The following WARS2 variants were observed in gnomAD, a reference collection of about 807,000 sequenced individuals.
The protein encoded by WARS2 is tryptophan--tRNA ligase, mitochondrial.
In WARS2, 28 loss-of-function variants were observed where a neutral mutation model predicts 36.5. The observed-to-expected ratio is 0.77, with a 90% CI of 0.57 to 1.05. WARS2 has a LOEUF of 1.05. WARS2 is among the 50% of genes least tolerant of loss of function. The probability of loss-of-function intolerance (pLI) is 0.00; values close to 1 mark genes in which losing one functional copy is unlikely to be tolerated. For synonymous variants in WARS2, 174 were observed against 178.4 expected (o/e 0.98, Z 0.20); for missense variants, 435 against 456.8 (o/e 0.95, Z 0.44).
At chr1:119,060,497 T>C (rs916681745) in intron 2 of WARS2, among the ~76,000 whole-genome samples, 3 of 152,252 alleles carry the variant, frequency 2.0e-5, no homozygotes, top group African/African-American at 7.2e-5. Flanking sequence ...TATCTCTATA[T>C]ACAGTCATAC....
intron 1 of WARS2, among the ~76,000 whole-genome samples, chr1:119,097,589 G>A (rs587718366): frequency 2.0e-5 from 3 of 152,270 alleles, no homozygotes; most frequent in African/African-American, 7.2e-5. Context: ...AAATCCCCAG[G>A]ACAAGATGAG....
Position 119,117,311 on chromosome 1 carries a change from C to T in WARS2, c.90+23244G>A, listed in dbSNP as rs186811087. 1.8e-4 allele frequency among the ~76,000 whole-genome samples: 27 copies of T among 152,304 alleles called. No homozygotes were observed. The East Asian group carries it at 4.8e-3, about 27-fold the overall frequency. On this transcript the variant is annotated intron_variant, in intron 1 of 5. Transcript: ENST00000235521. ...AGAGTCTGAGCTCAGACTTGCCTAA[C>T]CCTGCACCCACCTGATGGTTTGTCT... is the stretch of plus-strand genomic sequence containing the variant.
chr1:119,131,971 A>G (rs1656149626), intron 1 of WARS2, among the ~76,000 whole-genome samples: 1 of 152,038 alleles, frequency 6.6e-6, no homozygotes, highest in Admixed American at 6.6e-5. Flanking sequence ...AAAGAGAGAA[A>G]GGTTGTTGGA....
intron 1 of WARS2, chr1:119,127,369 G>A: frequency 2.6e-5 from 10 of 380,618 alleles, no homozygotes; most frequent in East Asian, 6.5e-5. Context: ...TTAAGGCACA[G>A]AAAAATCAAG....
intron 1 of WARS2, among the ~76,000 whole-genome samples, chr1:119,101,729 T>A (rs1029543191): frequency 6.6e-6 from 1 of 152,144 alleles, no homozygotes; most frequent in African/African-American, 2.4e-5. Flanking sequence ...AGATCTGAAC[T>A]ATCTCAAAGT....
At chr1:119,045,437 C>T in intron 3 of WARS2, 145 bp downstream of exon 3, 1 of 657,496 alleles carries the variant, frequency 1.5e-6, no homozygotes, top group Non-Finnish European at 2.6e-6. Context: ...CCTTTTAATA[C>T]CCTGAAGCAG....
chr1:119,065,226 C>T (rs1483465609), intron 2 of WARS2, among the ~76,000 whole-genome samples: 1 of 151,984 alleles, frequency 6.6e-6, no homozygotes, highest in Non-Finnish European at 1.5e-5. Flanking sequence ...TTTGTCAATG[C>T]TGACAAAACA....
Position 119,032,866 on chromosome 1 carries a change from T to C in WARS2, c.*45A>G, listed in dbSNP as rs780398419. 5 of 1,527,580 alleles carry C rather than the reference T, an allele frequency of 3.3e-6. No individual in the cohort carries two copies. Among genetic ancestry groups the C allele is most frequent in the Non-Finnish European group, 4.4e-6 (5 of 1,126,142 alleles). 94.6% of individuals were successfully genotyped at this position (1,527,580 alleles called of 1,614,324 possible). ...GGAAAGCTGCCGTTATCAGAATGCATGGAGTGCAAGGCACAAAAGCCTTGC... is the reference window on the plus strand; with the variant it reads ...GGAAAGCTGCCGTTATCAGAATGCACGGAGTGCAAGGCACAAAAGCCTTGC... On this transcript the variant is annotated 3_prime_UTR_variant, in exon 6 of 6. Transcript: ENST00000235521.
intron 2 of WARS2, among the ~76,000 whole-genome samples, chr1:119,056,366 C>T (rs1557946969): frequency 1.3e-5 from 2 of 150,708 alleles, no homozygotes; most frequent in Admixed American, 6.6e-5. Flanking sequence ...CAGTAAACTA[C>T]CTGCAGTGTT....
intron 1 of WARS2, among the ~76,000 whole-genome samples, chr1:119,117,711 G>C (rs769702851): frequency 3.9e-5 from 6 of 152,190 alleles, no homozygotes; most frequent in Non-Finnish European, 8.8e-5. Flanking sequence ...ACCTCTACCA[G>C]AGCAGGTGCT....
chr1:119,067,920 C>T (rs567331750), intron 2 of WARS2, among the ~76,000 whole-genome samples: 2 of 152,150 alleles, frequency 1.3e-5, no homozygotes, highest in African/African-American at 4.8e-5. Flanking sequence ...ACAAGTACTG[C>T]AGCTTGTTCA....
At chr1:119,127,207 C>T (rs587609183) in intron 1 of WARS2, 10 of 728,966 alleles carry the variant, frequency 1.4e-5, no homozygotes, top group South Asian at 8.2e-5. Context: ...TCATACCAAT[C>T]CTTCTTCGAA....
chr1:119,140,419 A>C, intron 1 of WARS2, 136 bp downstream of exon 1: 1 of 705,914 alleles, frequency 1.4e-6, no homozygotes. Context: ...CGACAGTCAT[A>C]GACGAGTAGA....
At chr1:119,127,364 G>T in intron 1 of WARS2, 1 of 396,032 alleles carries the variant, frequency 2.5e-6, no homozygotes, top group Non-Finnish European at 4.8e-6. Context: ...AAAAATTAAG[G>T]CACAGAAAAA....
chr1:119,047,658 T>C (rs1275595644), intron 2 of WARS2: 1 of 152,230 alleles, frequency 6.6e-6, no homozygotes, highest in African/African-American at 2.4e-5. Flanking sequence ...CAGGATTTGG[T>C]TGTCTTACTT....
At chr1:119,043,525 T>C (rs1648543444) in intron 3 of WARS2, among the ~76,000 whole-genome samples, 1 of 152,216 alleles carries the variant, frequency 6.6e-6, no homozygotes, top group African/African-American at 2.4e-5. Context: ...ATACTTCAAG[T>C]GGTTTCTGGC....
At chr1:119,114,798 C>G (rs1176162272) in intron 1 of WARS2, among the ~76,000 whole-genome samples, 1 of 152,168 alleles carries the variant, frequency 6.6e-6, no homozygotes, top group Non-Finnish European at 1.5e-5. Flanking sequence ...CTAAGTACAT[C>G]CTGCAAAGAA....
intron 1 of WARS2, among the ~76,000 whole-genome samples, chr1:119,108,381 A>C (rs1411927388): frequency 6.6e-6 from 1 of 151,978 alleles, no homozygotes; most frequent in Non-Finnish European, 1.5e-5. Context: ...AGACCCATTC[A>C]GATTGTCTAT....
chr1:119,082,900 G>A (rs1255157704), intron 1 of WARS2, among the ~76,000 whole-genome samples: 1 of 152,128 alleles, frequency 6.6e-6, no homozygotes, highest in East Asian at 1.9e-4. Flanking sequence ...TAAGTCATGA[G>A]GGTTCTGTCT....
Sources: allele counts gnomAD v4.1 joint callset (sites outside exome capture counted in the v4.1 genomes callset), GRCh38; gene constraint gnomAD v4.1.1; transcripts MANE v1.5; gene names NCBI Gene and HGNC (gene_info 2026-07-23, HGNC 2026-07-21).